Variants in HS3ST5 observed in about 807,000 individuals in gnomAD.
The protein encoded by HS3ST5 is heparan sulfate-glucosamine 3-sulfotransferase 5.
HS3ST5 carries 10 observed loss-of-function variants against 25.4 expected under a neutral mutation model. The observed-to-expected ratio is 0.39, with a 90% confidence interval of 0.24 to 0.67. The LOEUF (loss-of-function observed/expected upper bound fraction) is 0.67. HS3ST5 is among the 30% of genes least tolerant of loss of function. The probability of loss-of-function intolerance (pLI) is 0.44; values close to 1 mark genes in which losing one functional copy is unlikely to be tolerated. For synonymous variants in HS3ST5, 170 were observed against 162.4 expected, an observed-to-expected ratio of 1.05 and a Z score of -0.36; for missense variants, 324 against 420.7, an observed-to-expected ratio of 0.77 and a Z score of 2.01.
chr6:114,230,750 C>A (rs898783333), intron 1 of HS3ST5, among the ~76,000 whole-genome samples: 1 of 151,312 alleles, frequency 6.6e-6, no homozygotes, highest in Non-Finnish European at 1.5e-5. Flanking sequence ...CCACACCCTG[C>A]TATTTTTTTT....
chr6:114,059,323 C>G (rs1298290958), intron 4 of HS3ST5: 4 of 152,198 alleles, frequency 2.6e-5, no homozygotes, highest in Non-Finnish European at 5.9e-5. Flanking sequence ...TAAACCAATT[C>G]TTACACTTGA....
At chr6:114,251,278 G>A (rs189448375) in intron 1 of HS3ST5, among the ~76,000 whole-genome samples, 3 of 152,166 alleles carry the variant, frequency 2.0e-5, no homozygotes, top group East Asian at 1.9e-4. Flanking sequence ...CCAATATGTC[G>A]AACAGATGAA....
intron 2 of HS3ST5, among the ~76,000 whole-genome samples, chr6:114,228,190 C>A (rs1274693748): frequency 2.0e-5 from 3 of 152,106 alleles, no homozygotes; most frequent in African/African-American, 7.2e-5. Context: ...CACATTCTTA[C>A]GACACATCCC....
intron 1 of HS3ST5, among the ~76,000 whole-genome samples, chr6:114,238,514 G>A (rs1038613171): frequency 9.9e-5 from 15 of 152,176 alleles, no homozygotes; most frequent in African/African-American, 2.4e-4. Flanking sequence ...GGATGTACAC[G>A]TACAGATTTG....
intron 1 of HS3ST5, among the ~76,000 whole-genome samples, chr6:114,236,487 T>G (rs574993728): frequency 2.6e-5 from 4 of 152,340 alleles, no homozygotes; most frequent in Admixed American, 2.0e-4. Context: ...AAAGTACACT[T>G]GTTTATTTTG....
At chr6:114,231,762 A>T (rs1335086799) in intron 1 of HS3ST5, among the ~76,000 whole-genome samples, 2 of 38,546 alleles carry the variant, frequency 5.2e-5, no homozygotes, top group Non-Finnish European at 6.9e-5. Context: ...ATTCTATTTA[A>T]AAAAAAAAAA....
At chr6:114,148,511 C>A (rs1460023717) in intron 3 of HS3ST5, among the ~76,000 whole-genome samples, 3 of 152,132 alleles carry the variant, frequency 2.0e-5, no homozygotes, top group African/African-American at 7.2e-5. Flanking sequence ...ATCCCAGCTA[C>A]TCAGGAGGCT....
At chr6:114,141,858 T>TTGTGTG (rs59862071) in intron 3 of HS3ST5, among the ~76,000 whole-genome samples, 63 of 141,366 alleles carry the variant, frequency 4.5e-4, no homozygotes, top group African/African-American at 1.6e-3. Context: ...AGATGATAGT[T>TTGTGTG]TGTGTGTGTG....
chr6:114,108,186 T>C (rs2114840724), intron 3 of HS3ST5, among the ~76,000 whole-genome samples: 1 of 152,174 alleles, frequency 6.6e-6, no homozygotes, highest in Middle Eastern at 3.4e-3. Flanking sequence ...TAACAAGGGA[T>C]TGGAGCAACC....
At chr6:114,143,072 T>C (rs758828274) in intron 3 of HS3ST5, 2 of 152,204 alleles carry the variant, frequency 1.3e-5, no homozygotes, top group African/African-American at 4.8e-5. Context: ...AAAGTACTTG[T>C]CACTCATTAA....
At chr6:114,163,316 C>T (rs909857813) in intron 3 of HS3ST5, among the ~76,000 whole-genome samples, 6 of 152,088 alleles carry the variant, frequency 3.9e-5, no homozygotes, top group African/African-American at 9.7e-5. Flanking sequence ...CCATATTCGT[C>T]GGGCTAATAC....
chr6:114,233,042 C>T (rs1481306588), intron 1 of HS3ST5, among the ~76,000 whole-genome samples: 1 of 149,174 alleles, frequency 6.7e-6, no homozygotes, highest in Non-Finnish European at 1.5e-5. Flanking sequence ...GCCTCATCTC[C>T]CTAGATGACA....
At chr6:114,133,365 G>A (rs1777440050) in intron 3 of HS3ST5, among the ~76,000 whole-genome samples, 1 of 152,196 alleles carries the variant, frequency 6.6e-6, no homozygotes, top group African/African-American at 2.4e-5. Context: ...CAATGGATAG[G>A]GAGGTGATGA....
At chr6:114,320,551 C>T (rs1775923784) in intron 1 of HS3ST5, among the ~76,000 whole-genome samples, 2 of 152,092 alleles carry the variant, frequency 1.3e-5, no homozygotes, top group East Asian at 1.9e-4. Context: ...TCCTATTTCA[C>T]TATCTGCACC....
At chr6:114,120,621 A>G (rs981710956) in intron 3 of HS3ST5, among the ~76,000 whole-genome samples, 1 of 152,230 alleles carries the variant, frequency 6.6e-6, no homozygotes, top group African/African-American at 2.4e-5. Context: ...ATCAGGGGAC[A>G]TTAATGATTT....
chr6:114,321,988 A>G (rs1775988655), intron 1 of HS3ST5, among the ~76,000 whole-genome samples: 1 of 152,150 alleles, frequency 6.6e-6, no homozygotes, highest in African/African-American at 2.4e-5. Context: ...TACTGAATTT[A>G]CTTTTCTCCA....
chr6:114,295,558 G>A (rs1286482867), intron 1 of HS3ST5, among the ~76,000 whole-genome samples: 1 of 152,192 alleles, frequency 6.6e-6, no homozygotes, highest in Non-Finnish European at 1.5e-5. Flanking sequence ...TCTAGATACT[G>A]CTGCTTCAAA....
intron 1 of HS3ST5, among the ~76,000 whole-genome samples, chr6:114,320,970 C>A (rs1051068602): frequency 1.3e-5 from 2 of 149,954 alleles, no homozygotes; most frequent in African/African-American, 4.9e-5. Flanking sequence ...CACTAGGTTG[C>A]CAAGGCTAGT....
At chr6:114,186,789 T>G (rs527611331) in intron 2 of HS3ST5, among the ~76,000 whole-genome samples, 1 of 152,348 alleles carries the variant, frequency 6.6e-6, no homozygotes, top group African/African-American at 2.4e-5. Context: ...GCTTCAAAAC[T>G]TCAAAGACTA....
Sources: allele counts gnomAD v4.1 joint callset (sites outside exome capture counted in the v4.1 genomes callset), GRCh38; gene constraint gnomAD v4.1.1; transcripts MANE v1.5; gene names NCBI Gene and HGNC (gene_info 2026-07-23, HGNC 2026-07-21).